CSGALNACT1: variants seen among roughly 807,000 people sequenced by gnomAD.
CSGALNACT1 encodes beta4GalNAcT-1.
CSGALNACT1 carries 52 observed loss-of-function variants against 51.0 expected under a neutral mutation model. That is an observed-to-expected ratio of 1.02 (90% confidence interval 0.82 to 1.29). CSGALNACT1 has a LOEUF of 1.29. Among genes scored for constraint, CSGALNACT1 ranks in the 50% most tolerant of loss-of-function variants. The pLI is 0.00. For missense variants in CSGALNACT1, 935 were observed against 679.2 expected (o/e 1.38, Z -4.19); for synonymous variants, 341 against 254.4 (o/e 1.34, Z -3.24).
At chr8:19,693,526 A>G (rs1283510015) in intron 1 of CSGALNACT1, among the ~76,000 whole-genome samples, 1 of 152,142 alleles carries the variant, frequency 6.6e-6, no homozygotes, top group Admixed American at 6.5e-5. Context: ...GGCCATGACT[A>G]ATGCAGCCTC....
chr8:19,672,285 C>T (rs548086686), intron 1 of CSGALNACT1, among the ~76,000 whole-genome samples: 44 of 152,268 alleles, frequency 2.9e-4, no homozygotes, highest in East Asian at 9.6e-4. Flanking sequence ...CTTCCTTAGA[C>T]GCCTAACACA....
chr8:19,530,730 CATAAAGGAATA>C (rs2082610322), intron 3 of CSGALNACT1, among the ~76,000 whole-genome samples: 1 of 152,028 alleles, frequency 6.6e-6, no homozygotes, highest in Non-Finnish European at 1.5e-5. Context: ...GACCTTATCT[CATAAAGGAATA>C]GAAAAGGAAA....
At chr8:19,625,197 G>A (rs749738759) in intron 1 of CSGALNACT1, among the ~76,000 whole-genome samples, 1 of 152,156 alleles carries the variant, frequency 6.6e-6, no homozygotes, top group Non-Finnish European at 1.5e-5. Flanking sequence ...AGGGACGTGG[G>A]GTGGTCTGTG....
chr8:19,519,762 T>C (rs1368065673), intron 3 of CSGALNACT1, among the ~76,000 whole-genome samples: 1 of 152,224 alleles, frequency 6.6e-6, no homozygotes, highest in Non-Finnish European at 1.5e-5. Context: ...TGCAGTCACC[T>C]AATGGCTGCT....
chr8:19,583,878 T>C (rs1199845919), intron 3 of CSGALNACT1, among the ~76,000 whole-genome samples: 1 of 152,184 alleles, frequency 6.6e-6, no homozygotes, highest in Non-Finnish European at 1.5e-5. Flanking sequence ...GCCCACATAC[T>C]CATACTTTGG....
chr8:19,708,846 G>C (rs1227288596), intron 1 of CSGALNACT1, among the ~76,000 whole-genome samples: 1 of 152,108 alleles, frequency 6.6e-6, no homozygotes. Flanking sequence ...TGGAAGGTCT[G>C]GTGCCCTCTC....
At chr8:19,742,863 C>T (rs970494912) in intron 1 of CSGALNACT1, among the ~76,000 whole-genome samples, 3 of 152,208 alleles carry the variant, frequency 2.0e-5, no homozygotes, top group Non-Finnish European at 4.4e-5. Flanking sequence ...GGGAATGAGC[C>T]TAGCTCCTGT....
intron 4 of CSGALNACT1, among the ~76,000 whole-genome samples, chr8:19,465,699 T>C (rs969100367): frequency 6.6e-6 from 1 of 152,200 alleles, no homozygotes; most frequent in Non-Finnish European, 1.5e-5. Flanking sequence ...TTAAACTCTC[T>C]TCCTAAACTA....
chr8:19,717,159 G>C (rs2062856734), intron 1 of CSGALNACT1, among the ~76,000 whole-genome samples: 1 of 152,220 alleles, frequency 6.6e-6, no homozygotes, highest in African/African-American at 2.4e-5. Flanking sequence ...GCTTTTGGCA[G>C]AGAGGAGGAA....
chr8:19,642,719 G>A (rs1401675851), intron 1 of CSGALNACT1, among the ~76,000 whole-genome samples: 2 of 151,904 alleles, frequency 1.3e-5, no homozygotes, highest in East Asian at 1.9e-4. Context: ...CCAGGAGATT[G>A]AGGGTGCAAT....
At chr8:19,649,233 C>T (rs1265010491) in intron 1 of CSGALNACT1, among the ~76,000 whole-genome samples, 1 of 152,132 alleles carries the variant, frequency 6.6e-6, no homozygotes, top group Non-Finnish European at 1.5e-5. Context: ...AAGTTGGTGG[C>T]CATCTTCTTA....
intron 6 of CSGALNACT1, among the ~76,000 whole-genome samples, chr8:19,423,189 T>C (rs149848145): frequency 5.9e-5 from 9 of 152,310 alleles, no homozygotes; most frequent in African/African-American, 2.2e-4. Flanking sequence ...AGGCTCTTAA[T>C]AGGCTGCATT....
At chr8:19,562,566 G>C (rs1011976337) in intron 3 of CSGALNACT1, among the ~76,000 whole-genome samples, 9 of 148,982 alleles carry the variant, frequency 6.0e-5, no homozygotes, top group Non-Finnish European at 1.2e-4. Context: ...ATCTGACAAA[G>C]GTCTAATATC....
At chr8:19,404,388 T>C (rs1365590394) in exon 10 of CSGALNACT1, 2 of 453,586 alleles carry the variant, frequency 4.4e-6, no homozygotes, top group South Asian at 3.1e-5. Context: ...TGGCTAATAA[T>C]TTTCACATGA....
chr8:19,704,167 C>G (rs1171206360), intron 1 of CSGALNACT1, among the ~76,000 whole-genome samples: 1 of 152,142 alleles, frequency 6.6e-6, no homozygotes, highest in Non-Finnish European at 1.5e-5. Context: ...CCCTCCTTTC[C>G]TCTCTTCCAT....
rs1258463665 is a variant in CSGALNACT1, at chr8:19,645,512, C to A, written c.-544+36961G>T. Among the ~76,000 whole-genome samples the A allele has an allele frequency of 3.3e-5, 5 of 152,186 alleles. No individual in the cohort carries two copies. In the East Asian group the frequency reaches 5.8e-4, roughly 18 times the overall value. On this transcript the variant is annotated intron_variant, in intron 1 of 9. Transcript: ENST00000332246. ...GTGTGCTCCTTGGCAAGGTTCTTAA[C>A]CTCCCAGAGCATCCATTTCCGCAGC...
rs372706057 is a variant in CSGALNACT1 at position 19,406,038 on chromosome 8, G to T, written c.1341C>A (p.Gly447=). 1.9e-6 allele frequency: 3 copies of T among 1,614,044 alleles called. No individual in the cohort carries two copies. Among genetic ancestry groups the T allele is most frequent in the Admixed American group, 3.3e-5 (2 of 59,996 alleles). Residue 447 remains glycine (G), a synonymous_variant, in exon 10 of 10, where the codon GGC becomes GGA. Transcript: ENST00000454498. ...TGCGATAAAGGTGCACATCCTCTCC[G>T]CCCCAGCCTTTGATGTCCAGATCAA... is the stretch of plus-strand genomic sequence containing the variant.
intron 1 of CSGALNACT1, among the ~76,000 whole-genome samples, chr8:19,666,760 G>C (rs1369928909): frequency 1.8e-5 from 1 of 56,632 alleles, no homozygotes; most frequent in South Asian, 6.7e-4. Context: ...AAGAAAGAAA[G>C]AAGAAAGAAA....
rs1197994722 is a variant in CSGALNACT1, at chr8:19,757,340, G to GCGT, written c.-297+509_-297+510insACG. The GCGT allele has an allele frequency of 6.6e-6, 1 of 150,882 alleles. No individual in the cohort carries two copies. The highest frequency in any genetic ancestry group is 2.4e-5 in the African/African-American group (1 of 41,190). 9.3% of individuals were successfully genotyped at this position (150,882 alleles called of 1,614,324 possible). A position where few individuals can be genotyped will look rare whatever the true frequency, so the allele number is the denominator to read the frequency against. On this transcript the variant is annotated intron_variant, in intron 1 of 1. Coordinates refer to the CSGALNACT1 transcript ENST00000517494. The surrounding 1 kb of genome is among the most constrained non-coding windows in gnomAD (Gnocchi z 4.0). Reference sequence around the variant, plus strand: ...CCGGGGGCGGGGAGCAGCGGCGGCGGCGGCGGCTCGGGCGGGCGGGCGCAA... The same window carrying GCGT: ...CCGGGGGCGGGGAGCAGCGGCGGCGGCGTCGGCGGCTCGGGCGGGCGGGCGCAA...
Sources: gnomAD v4.1 joint callset for allele counts (sites outside exome capture counted in the v4.1 genomes callset) on GRCh38, gnomAD v4.1.1 for gene constraint, Gnocchi (gnomAD v3.1) non-coding constraint, MANE v1.5 for transcripts, NCBI Gene and HGNC (gene_info 2026-07-23, HGNC 2026-07-21) for gene names.